VPS35L: variants seen among roughly 807,000 people sequenced by gnomAD.
VPS35L encodes VPS35 endosomal protein-sorting factor-like.
VPS35L carries 83 observed loss-of-function variants against 133.0 expected under a neutral mutation model. The observed-to-expected ratio is 0.62, with a 90% CI of 0.52 to 0.75. The LOEUF (loss-of-function observed/expected upper bound fraction) is 0.75. VPS35L is among the 30% of genes least tolerant of loss of function. VPS35L has a pLI of 0.00. For missense variants in VPS35L, 1,083 were observed against 1,206.8 expected (o/e 0.90, Z 1.52); for synonymous variants, 423 against 449.9 (o/e 0.94, Z 0.76).
At chr16:19,634,804 A>C (rs1336003053) in intron 19 of VPS35L, among the ~76,000 whole-genome samples, 1 of 152,172 alleles carries the variant, frequency 6.6e-6, no homozygotes, top group Non-Finnish European at 1.5e-5. Context: ...TGCATATCTC[A>C]AGAGGTCTTC....
chr16:19,587,274 A>G, intron 7 of VPS35L: 1 of 436,236 alleles, frequency 2.3e-6, no homozygotes, highest in South Asian at 1.6e-5. Flanking sequence ...GGGTGGGAAC[A>G]CAGAGCCAAA....
chr16:19,592,449 C>T (rs1972074424), intron 8 of VPS35L, among the ~76,000 whole-genome samples: 1 of 152,022 alleles, frequency 6.6e-6, no homozygotes, highest in Admixed American at 6.6e-5. Flanking sequence ...GGGCACTAAG[C>T]AGCATGGGTC....
At chr16:19,667,054 G>A (rs1211335923) in intron 26 of VPS35L, among the ~76,000 whole-genome samples, 4 of 150,610 alleles carry the variant, frequency 2.7e-5, no homozygotes, top group African/African-American at 7.4e-5. Flanking sequence ...ACCTCTGACC[G>A]ACGGGTTCAA....
intron 8 of VPS35L, among the ~76,000 whole-genome samples, chr16:19,597,052 AAAC>A (rs1972239182): frequency 1.3e-5 from 2 of 150,780 alleles, no homozygotes; most frequent in South Asian, 2.1e-4. Flanking sequence ...AACAACAACA[AAAC>A]AACAACAAAG....
At chr16:19,697,415 G>A (rs1975954105) in intron 29 of VPS35L, among the ~76,000 whole-genome samples, 1 of 152,168 alleles carries the variant, frequency 6.6e-6, no homozygotes, top group Non-Finnish European at 1.5e-5. Context: ...GCTCACTGCA[G>A]CCTCAAACTC....
rs971067378 is a variant in VPS35L, at chr16:19,658,511, AG to A, written c.2221+6424del. On this transcript the variant is annotated intron_variant, in intron 26 of 30. Coordinates refer to ENST00000417362, the MANE Select transcript of VPS35L (RefSeq NM_020314.7). Reference sequence around the variant, plus strand: ...CACCACTGTCTCCAGCCTGGGCAACAGGGTGAGACCGTGTCTCAAAACAAAA... The same window carrying A: ...CACCACTGTCTCCAGCCTGGGCAACAGGTGAGACCGTGTCTCAAAACAAAA... 3.3e-5 allele frequency among the ~76,000 whole-genome samples: 5 copies of A among 152,294 alleles called. 1 individual carries two copies. The highest frequency in any genetic ancestry group is 3.4e-3 in the Middle Eastern group (1 of 294).
At chr16:19,646,669 A>G (rs951860601) in intron 23 of VPS35L, among the ~76,000 whole-genome samples, 2 of 149,834 alleles carry the variant, frequency 1.3e-5, no homozygotes, top group Non-Finnish European at 3.0e-5. Flanking sequence ...TGTCTTGGGA[A>G]AAAAAAAAAA....
At position 19,571,776 on chromosome 16, in the gene VPS35L, C is replaced by T. The variant is rs1024921324; in HGVS notation, c.286-1343C>T. ...GCCAGGCTGGTCTCGAACTCCTAACCTCAGGTGATCTGCCCACATTGGCCT... is the reference window on the plus strand; with the variant it reads ...GCCAGGCTGGTCTCGAACTCCTAACTTCAGGTGATCTGCCCACATTGGCCT... On this transcript the variant is annotated intron_variant, in intron 3 of 30. Transcript: ENST00000417362. Among the ~76,000 whole-genome samples the T allele has an allele frequency of 4.6e-5, 7 of 151,640 alleles. No homozygotes were observed. The South Asian group carries it at 1.0e-3, about 23-fold the overall frequency.
chr16:19,587,889 T>C (rs1473759680), intron 7 of VPS35L, among the ~76,000 whole-genome samples: 1 of 146,862 alleles, frequency 6.8e-6, no homozygotes, highest in Non-Finnish European at 1.5e-5. Flanking sequence ...AACCTCTGCC[T>C]CTCAGGTTCA....
At chr16:19,637,285 C>A (rs1437844421) in intron 19 of VPS35L, among the ~76,000 whole-genome samples, 1 of 152,110 alleles carries the variant, frequency 6.6e-6, no homozygotes, top group African/African-American at 2.4e-5. Context: ...TCCATTGAGT[C>A]CTTACTGCTT....
intron 14 of VPS35L, among the ~76,000 whole-genome samples, chr16:19,619,781 G>C (rs1390553636): frequency 6.6e-6 from 1 of 152,104 alleles, no homozygotes; most frequent in African/African-American, 2.4e-5. Flanking sequence ...GACATGCAGT[G>C]TCTTGTTAAA....
intron 27 of VPS35L, among the ~76,000 whole-genome samples, chr16:19,674,500 G>C (rs114461275): frequency 6.6e-6 from 1 of 151,842 alleles, no homozygotes; most frequent in Non-Finnish European, 1.5e-5. Flanking sequence ...GAGCCTCTGC[G>C]TGCAGCCTAC....
intron 1 of VPS35L, among the ~76,000 whole-genome samples, chr16:19,556,007 A>G (rs748579087): frequency 2.5e-4 from 38 of 151,922 alleles, no homozygotes; most frequent in Non-Finnish European, 3.5e-4. Context: ...TCATTCCCTA[A>G]AGAAAACTTG....
intron 27 of VPS35L, among the ~76,000 whole-genome samples, chr16:19,677,134 C>T (rs963999766): frequency 1.7e-4 from 25 of 150,524 alleles, no homozygotes; most frequent in Admixed American, 7.9e-4. Flanking sequence ...GGTGTGATCT[C>T]GGTTCACTGT....
chr16:19,627,913 G>GCCTTC, intron 16 of VPS35L, 108 bp downstream of exon 16: 2 of 851,720 alleles, frequency 2.3e-6, no homozygotes, highest in Non-Finnish European at 3.9e-6. Flanking sequence ...CAGGAACACA[G>GCCTTC]GCGAAGGCTC....
intron 1 of VPS35L, 102 bp downstream of exon 1, chr16:19,555,848 G>A: frequency 6.8e-7 from 1 of 1,464,920 alleles, no homozygotes; most frequent in Non-Finnish European, 9.1e-7. Context: ...TCGGGTTCTG[G>A]TGGTCGACCG....
chr16:19,638,430 GC>G (rs1366250535), intron 20 of VPS35L, among the ~76,000 whole-genome samples: 7 of 152,150 alleles, frequency 4.6e-5, no homozygotes, highest in Non-Finnish European at 8.8e-5. Flanking sequence ...CCCAGGAGTT[GC>G]CTGAAACCGC....
intron 8 of VPS35L, among the ~76,000 whole-genome samples, chr16:19,595,960 ATGG>A (rs755999620): frequency 6.6e-6 from 1 of 152,184 alleles, no homozygotes; most frequent in African/African-American, 2.4e-5. Flanking sequence ...CCTGGCCAAT[ATGG>A]TGAAACCTCG....
Position 19,560,391 on chromosome 16 carries a change from C to A in VPS35L, c.18-4460C>A, listed in dbSNP as rs140223592. On this transcript the variant is annotated intron_variant, in intron 1 of 30. Transcript: ENST00000417362. ...GCTCAGCTGTTGATTGTTAGTAATT[C>A]CAATAGGGACAGAAAACACATTTGG... Among the ~76,000 whole-genome samples, 45 of 152,294 alleles carry A rather than the reference C, an allele frequency of 3.0e-4. No individual in the cohort carries two copies. The East Asian group carries it at 8.7e-3, about 29-fold the overall frequency.
Sources: allele counts gnomAD v4.1 joint callset (sites outside exome capture counted in the v4.1 genomes callset), GRCh38; gene constraint gnomAD v4.1.1; transcripts MANE v1.5; gene names NCBI Gene and HGNC (gene_info 2026-07-23, HGNC 2026-07-21).